CNKSR2: variants seen among roughly 807,000 people sequenced by gnomAD.
The protein encoded by CNKSR2 is connector enhancer of kinase suppressor of Ras 2, also known as CNK homolog protein 2.
CNKSR2 carries 14 observed loss-of-function variants against 84.4 expected under a neutral mutation model. The ratio of observed to expected loss-of-function variants is 0.17; its 90% CI spans 0.11 to 0.26. The LOEUF is 0.26. CNKSR2 is among the 10% of genes least tolerant of loss of function. CNKSR2 has a pLI of 1.00. For synonymous variants in CNKSR2, 275 were observed against 277.9 expected (o/e 0.99, Z 0.10); for missense variants, 485 against 771.2 (o/e 0.63, Z 4.40).
intron 5 of CNKSR2, among the ~76,000 whole-genome samples, chrX:21,485,076 G>A (rs992122689): frequency 4.5e-5 from 5 of 110,432 alleles, no homozygotes; most frequent in African/African-American, 1.3e-4. Context: ...CCAGCTACTC[G>A]GGAGGCTGAG....
chrX:21,475,967 T>C lies in CNKSR2; in HGVS notation c.561+5160T>C, dbSNP rs147863221. Among the ~76,000 whole-genome samples, 1,048 of 111,371 alleles carry C rather than the reference T, an allele frequency of 9.4e-3. 12 individuals are homozygous for C. The highest frequency in any genetic ancestry group is 0.031 in the African/African-American group (955 of 30,640). On this transcript the variant is annotated intron_variant, in intron 5 of 21. Transcript: ENST00000379510. ...TCAGTGCTCAAAAAGTTTCTGATTT[T>C]CGGATTAGAGATACTCAACCTGTAC... is the stretch of plus-strand genomic sequence containing the variant.
In CNKSR2 at chrX:21,385,619, G is replaced by GT. The variant is rs1398761243; in HGVS notation, c.64+10659dup. 5.4e-5 allele frequency among the ~76,000 whole-genome samples: 6 copies of GT among 111,901 alleles called. No individual in the cohort carries two copies. The East Asian group carries it at 1.7e-3, about 32-fold the overall frequency. Reference sequence around the variant, plus strand: ...TTTACTTAGAAATGTTGAATGACTTGTCCTATATACCTGTATATTTATTAA... The same window carrying GT: ...TTTACTTAGAAATGTTGAATGACTTGTTCCTATATACCTGTATATTTATTAA... On this transcript the variant is annotated intron_variant, in intron 1 of 21. Transcript: ENST00000379510.
intron 4 of CNKSR2, among the ~76,000 whole-genome samples, chrX:21,441,563 G>A (rs1162309108): frequency 9.0e-6 from 1 of 111,657 alleles, no homozygotes; most frequent in Non-Finnish European, 1.9e-5. Context: ...ACCTCTTTAA[G>A]TTTGCCAAAG....
At chrX:21,481,278 A>G (rs1486239519) in intron 5 of CNKSR2, among the ~76,000 whole-genome samples, 4 of 112,034 alleles carry the variant, frequency 3.6e-5, no homozygotes, top group Non-Finnish European at 5.6e-5. Context: ...CTTTCCCCAG[A>G]TCATGGAGCT....
Position 21,609,607 on chromosome X carries a change from A to G in CNKSR2, c.2682A>G (p.Ile894Met). 2 of 1,193,852 alleles carry G rather than the reference A, an allele frequency of 1.7e-6. No homozygotes were observed. The highest frequency in any genetic ancestry group is 4.5e-5 in the Admixed American group (2 of 44,558). The change falls in exon 20 of 22, where the codon ATA becomes ATG. Residue 894 changes from isoleucine (I) to methionine (M), a missense_variant. Physicochemically the swap from Ile to Met is conservative, Grantham distance 10. Transcript: ENST00000379510. ...AAGGGGAGGCAGCAGGGGAAAACAT[A>G]GGAGAAAAAAGTAAGTATGTTTCTG... ...EEEGEAAGEN[I>M]GEKSESREEK... is the part of the protein sequence containing the mutation.
At chrX:21,500,847 T>A (rs975235746) in intron 7 of CNKSR2, among the ~76,000 whole-genome samples, 4 of 111,661 alleles carry the variant, frequency 3.6e-5, no homozygotes, top group Non-Finnish European at 5.7e-5. Flanking sequence ...TTACACTATA[T>A]GTAACATGAG....
chrX:21,485,395 C>A (rs2091372052), intron 5 of CNKSR2, among the ~76,000 whole-genome samples: 1 of 110,747 alleles, frequency 9.0e-6, no homozygotes, highest in South Asian at 3.8e-4. Flanking sequence ...CTGCTCTGAT[C>A]TTTTTCCCCT....
intron 1 of CNKSR2, among the ~76,000 whole-genome samples, chrX:21,383,956 C>T (rs2089934528): frequency 8.9e-6 from 1 of 111,944 alleles, no homozygotes; most frequent in Non-Finnish European, 1.9e-5. Flanking sequence ...TTAATGTTAA[C>T]ACTGGCTGAA....
chrX:21,393,453 A>T (rs944336913), intron 1 of CNKSR2, among the ~76,000 whole-genome samples: 2 of 112,382 alleles, frequency 1.8e-5, no homozygotes, highest in African/African-American at 6.5e-5. Flanking sequence ...ACCAGAAAGG[A>T]TGGTTTGACT....
At chrX:21,568,876 C>CA (rs1294247845) in intron 13 of CNKSR2, among the ~76,000 whole-genome samples, 2 of 110,784 alleles carry the variant, frequency 1.8e-5, no homozygotes, top group African/African-American at 3.3e-5. Flanking sequence ...TATTGCCCCT[C>CA]AAAAAATAGC....
chrX:21,476,615 G>A (rs1045265863), intron 5 of CNKSR2, among the ~76,000 whole-genome samples: 1 of 110,855 alleles, frequency 9.0e-6, no homozygotes, highest in African/African-American at 3.3e-5. Context: ...AGGGAGATTG[G>A]TTGCAGTGTT....
chrX:21,483,871 A>G (rs2091350298), intron 5 of CNKSR2, among the ~76,000 whole-genome samples: 1 of 111,158 alleles, frequency 9.0e-6, no homozygotes, highest in East Asian at 2.8e-4. Context: ...GAATAAATGT[A>G]TGATATTTTA....
At chrX:21,527,706 A>G (rs1470178535) in intron 10 of CNKSR2, among the ~76,000 whole-genome samples, 2 of 111,319 alleles carry the variant, frequency 1.8e-5, no homozygotes, top group Admixed American at 9.6e-5. Flanking sequence ...CTTGTGAAAT[A>G]CAAAAATTAT....
chrX:21,553,854 G>A (rs1246833936), intron 11 of CNKSR2, among the ~76,000 whole-genome samples: 1 of 111,578 alleles, frequency 9.0e-6, no homozygotes, highest in East Asian at 2.8e-4. Flanking sequence ...TTACATGCCT[G>A]TGTCATCTTT....
At chrX:21,421,249 T>A (rs1216446825) in intron 1 of CNKSR2, among the ~76,000 whole-genome samples, 1 of 109,063 alleles carries the variant, frequency 9.2e-6, no homozygotes, top group Non-Finnish European at 1.9e-5. Flanking sequence ...TACCACTGCC[T>A]GGGCTTCAGG....
Position 21,572,686 on chromosome X carries a change from C to T in CNKSR2, c.1608+9234C>T, listed in dbSNP as rs760053626. 2.7e-5 allele frequency among the ~76,000 whole-genome samples: 3 copies of T among 111,415 alleles called. No individual in the cohort carries two copies. In the South Asian group the frequency reaches 1.2e-3, roughly 43 times the overall value. ...AGCCATCAGCTCTCATGATAAATCA[C>T]AATCATGAGAACAGCATGGAGGTAA... is the stretch of plus-strand genomic sequence containing the variant. On this transcript the variant is annotated intron_variant, in intron 13 of 21. Coordinates refer to ENST00000379510, the MANE Select transcript of CNKSR2 (RefSeq NM_014927.5).
intron 2 of CNKSR2, among the ~76,000 whole-genome samples, chrX:21,432,096 G>A (rs188884037): frequency 4.5e-5 from 5 of 111,596 alleles, no homozygotes; most frequent in Admixed American, 1.9e-4. Context: ...TCATTATGTA[G>A]AGTACGTATT....
chrX:21,418,319 T>G (rs774843835), intron 1 of CNKSR2, among the ~76,000 whole-genome samples: 1 of 111,851 alleles, frequency 8.9e-6, no homozygotes, highest in South Asian at 3.7e-4. Flanking sequence ...TAAAAGGAAT[T>G]TACACGCCAC....
rs190743095 is a variant in CNKSR2, at chrX:21,548,053, G to A, written c.1304-13418G>A. On this transcript the variant is annotated intron_variant, in intron 11 of 21. Coordinates refer to ENST00000379510, the MANE Select transcript of CNKSR2 (RefSeq NM_014927.5). ...CAAGAGCAAACACATTCAAAAGCTA[G>A]CAGAAGTCAAGAAATAACTAAGATC... 1.4e-3 allele frequency among the ~76,000 whole-genome samples: 159 copies of A among 111,791 alleles called. 1 individual carries two copies. Among genetic ancestry groups the A allele is most frequent in the African/African-American group, 4.4e-3 (134 of 30,752 alleles).
Sources: gnomAD v4.1 joint callset for allele counts (sites outside exome capture counted in the v4.1 genomes callset) on GRCh38, gnomAD v4.1.1 for gene constraint, MANE v1.5 for transcripts, NCBI Gene and HGNC (gene_info 2026-07-23, HGNC 2026-07-21) for gene names.